OSBPL5: variants seen among roughly 807,000 people sequenced by gnomAD.
The protein encoded by OSBPL5 is oxysterol binding protein like 5.
Under a neutral mutation model 111.2 loss-of-function variants are expected in OSBPL5, and 71 were observed. That is an observed-to-expected ratio of 0.64 (90% CI 0.53 to 0.78). The LOEUF (loss-of-function observed/expected upper bound fraction) is 0.78, where lower values mean the gene tolerates loss of function less well. Ranked by LOEUF, OSBPL5 falls within the 30% of genes least tolerant of loss-of-function variation. OSBPL5 has a pLI of 0.00. For missense variants in OSBPL5, 1,210 were observed against 1,189.3 expected (o/e 1.02, Z -0.26); for synonymous variants, 549 against 513.9 (o/e 1.07, Z -0.93).
intron 2 of OSBPL5, 45 bp downstream of exon 2, chr11:3,128,968 G>A: frequency 6.9e-7 from 1 of 1,455,918 alleles, no homozygotes; most frequent in South Asian, 1.4e-5. Flanking sequence ...ACCCCACCGG[G>A]CCCAAGCTGA....
intron 17 of OSBPL5, 184 bp from the exon 18 acceptor site, chr11:3,093,236 AACACTGAGCTCCC>A: frequency 2.7e-6 from 2 of 750,688 alleles, no homozygotes; most frequent in Admixed American, 6.0e-5. Flanking sequence ...GGGTTTTTCC[AACACTGAGCTCCC>A]ATCTCCCGCC....
At chr11:3,093,390 C>G in intron 17 of OSBPL5, 137 bp downstream of exon 17, 1 of 1,341,222 alleles carries the variant, frequency 7.5e-7, no homozygotes, top group Non-Finnish European at 1.0e-6. Flanking sequence ...TGATCTGCCA[C>G]CAGGGGTGCA....
chr11:3,160,221 G>C (rs571414153), intron 1 of OSBPL5, among the ~76,000 whole-genome samples: 7 of 152,336 alleles, frequency 4.6e-5, no homozygotes, highest in Admixed American at 4.6e-4. Context: ...GCCAGCGTCG[G>C]GGCTCCTCTC....
At chr11:3,115,148 A>C (rs1034020673) in intron 7 of OSBPL5, among the ~76,000 whole-genome samples, 1 of 152,066 alleles carries the variant, frequency 6.6e-6, no homozygotes, top group African/African-American at 2.4e-5. Context: ...CTTAAAGAAA[A>C]TGTTTTCTTC....
Position 3,094,149 on chromosome 11 carries a change from C to T in OSBPL5, c.1719+88G>A. On this transcript the variant is annotated intron_variant, in intron 15 of 21. Transcript: ENST00000263650. ...TATGTGCACTGCCTTGGGGAACCTT[C>T]CTTGGGGCCTGGGGAGAGTGTGAGG... The T allele has an allele frequency of 1.4e-5, 18 of 1,318,530 alleles. No individual in the cohort carries two copies. The South Asian group carries it at 2.2e-4, about 16-fold the overall frequency. The allele number at this position is 1,318,530 out of a possible 1,614,324, so 81.7% of individuals were successfully genotyped here. A position where few individuals can be genotyped will look rare whatever the true frequency, so the allele number is the denominator to read the frequency against.
chr11:3,139,242 G>A (rs1015356936), intron 1 of OSBPL5, among the ~76,000 whole-genome samples: 1 of 152,202 alleles, frequency 6.6e-6, no homozygotes, highest in Non-Finnish European at 1.5e-5. Flanking sequence ...GGAGCAGGTG[G>A]CCACCGGCCA....
At chr11:3,129,285 G>A (rs1212339668) in intron 1 of OSBPL5, 116 bp from the exon 2 acceptor site, 1 of 1,010,598 alleles carries the variant, frequency 9.9e-7, no homozygotes, top group African/African-American at 1.7e-5. Context: ...TTCTGAGGCA[G>A]GGTGAGGAGG....
In OSBPL5 at chr11:3,100,148, A is replaced by C. The variant is rs1279060888; in HGVS notation, c.1621+10T>G. The C allele has an allele frequency of 1.2e-6, 2 of 1,613,310 alleles. No homozygotes were observed. Among genetic ancestry groups the C allele is most frequent in the Non-Finnish European group, 1.7e-6 (2 of 1,179,610 alleles). Reference sequence around the variant, plus strand: ...GCTCTGCCCTCGGAGTGTGTGGCTGAGCCTCTCACCTTTGCAGTGGGCGTA... The same window carrying C: ...GCTCTGCCCTCGGAGTGTGTGGCTGCGCCTCTCACCTTTGCAGTGGGCGTA... On this transcript the variant is annotated intron_variant, in intron 14 of 21. Coordinates refer to ENST00000263650, the MANE Select transcript of OSBPL5 (RefSeq NM_020896.4).
chr11:3,127,168 G>A (rs1858656474), intron 2 of OSBPL5, among the ~76,000 whole-genome samples: 2 of 152,234 alleles, frequency 1.3e-5, no homozygotes, highest in Non-Finnish European at 2.9e-5. Context: ...TGGACAGGAG[G>A]AAGGAGGGGA....
chr11:3,160,878 AG>A (rs1452860985), intron 1 of OSBPL5: 1 of 152,160 alleles, frequency 6.6e-6, no homozygotes, highest in Admixed American at 6.5e-5. Flanking sequence ...CAGCGTCTGG[AG>A]GCCCGTTCCC....
chr11:3,101,502 C>T (rs1590645597), intron 13 of OSBPL5, 101 bp downstream of exon 13: 10 of 1,105,988 alleles, frequency 9.0e-6, no homozygotes, highest in South Asian at 4.2e-5. Context: ...GAGGGACAGG[C>T]ACATGGCCCC....
intron 1 of OSBPL5, among the ~76,000 whole-genome samples, chr11:3,156,224 G>C (rs1846754509): frequency 6.6e-6 from 1 of 152,194 alleles, no homozygotes; most frequent in African/African-American, 2.4e-5. Flanking sequence ...AAGGAAACCG[G>C]AACGCTTGCT....
chr11:3,100,785 A>G (rs1295422214), intron 13 of OSBPL5, among the ~76,000 whole-genome samples: 1 of 152,122 alleles, frequency 6.6e-6, no homozygotes, highest in African/African-American at 2.4e-5. Flanking sequence ...TGAAAAAGGT[A>G]CAACGGATGG....
At position 3,092,566 on chromosome 11, in the gene OSBPL5, G is replaced by A. The variant is rs1857100903; in HGVS notation, c.2133-8C>T. On this transcript the variant is annotated splice_polypyrimidine_tract_variant and splice_region_variant and intron_variant, in intron 18 of 21. Coordinates refer to ENST00000263650, the MANE Select transcript of OSBPL5 (RefSeq NM_020896.4). The surrounding 1 kb of genome is among the most constrained non-coding windows in gnomAD (Gnocchi z 5.4). Reference sequence around the variant, plus strand: ...GGGTCCCAGGGGCTGTGGCTGGAGGGTCCAGAGGGCGTTCATCAGCACAGG... The same window carrying A: ...GGGTCCCAGGGGCTGTGGCTGGAGGATCCAGAGGGCGTTCATCAGCACAGG... 10 of 1,580,790 alleles carry A rather than the reference G, an allele frequency of 6.3e-6. No individual in the cohort carries two copies. In the East Asian group the frequency reaches 1.8e-4, roughly 29 times the overall value.
rs1356898848 is a variant in OSBPL5 at position 3,106,036 on chromosome 11, G to A, written c.1059+1227C>T. Reference sequence around the variant, plus strand: ...CGAGGCCCTTGCCTAACCCGCCGGTGGCTTCCCCAATACTCTCAGCCTGAG... The same window carrying A: ...CGAGGCCCTTGCCTAACCCGCCGGTAGCTTCCCCAATACTCTCAGCCTGAG... On this transcript the variant is annotated intron_variant, in intron 9 of 21. Coordinates refer to ENST00000263650, the MANE Select transcript of OSBPL5 (RefSeq NM_020896.4). This position sits in a 1 kb window ranked among gnomAD's most constrained non-coding sequence, Gnocchi z 8.4. 6.6e-6 allele frequency among the ~76,000 whole-genome samples: 1 copy of A among 152,022 alleles called. No individual in the cohort carries two copies. Among genetic ancestry groups the A allele is most frequent in the Non-Finnish European group, 1.5e-5 (1 of 67,986 alleles).
In OSBPL5 at chr11:3,088,142, T is replaced by C; in HGVS notation, c.*63A>G. ...CCTCTCTGCCTCCATGGAGCAGGCT[T>C]AAAGTGCTGGGTGCCTGGGAGGGAG... On this transcript the variant is annotated 3_prime_UTR_variant, in exon 22 of 22. Coordinates refer to ENST00000263650, the MANE Select transcript of OSBPL5 (RefSeq NM_020896.4). The C allele has an allele frequency of 3.5e-6, 5 of 1,436,554 alleles. No individual in the cohort carries two copies. The highest frequency in any genetic ancestry group is 1.5e-5 in the South Asian group (1 of 68,832). The allele number at this position is 1,436,554 out of a possible 1,614,324, so 89.0% of individuals were successfully genotyped here.
chr11:3,088,133 G>T lies in OSBPL5; in HGVS notation c.*72C>A. ...CTTGCCGGGCCTCTCTGCCTCCATGGAGCAGGCTTAAAGTGCTGGGTGCCT... is the reference window on the plus strand; with the variant it reads ...CTTGCCGGGCCTCTCTGCCTCCATGTAGCAGGCTTAAAGTGCTGGGTGCCT... On this transcript the variant is annotated 3_prime_UTR_variant, in exon 22 of 22. Coordinates refer to ENST00000263650, the MANE Select transcript of OSBPL5 (RefSeq NM_020896.4). 1 of 1,372,032 alleles carries T rather than the reference G, an allele frequency of 7.3e-7. No homozygotes were observed. The highest frequency in any genetic ancestry group is 1.6e-5 in the South Asian group (1 of 63,230). 85.0% of individuals were successfully genotyped at this position (1,372,032 alleles called of 1,614,324 possible). A position where few individuals can be genotyped will look rare whatever the true frequency, so the allele number is the denominator to read the frequency against.
chr11:3,099,969 G>A (rs1036649120), intron 14 of OSBPL5, among the ~76,000 whole-genome samples, 189 bp downstream of exon 14: 1 of 136,514 alleles, frequency 7.3e-6, no homozygotes, highest in Non-Finnish European at 1.5e-5. Flanking sequence ...TTGGAGCCAA[G>A]ATCACGCCAT....
intron 14 of OSBPL5, chr11:3,094,700 G>C (rs2134390081): frequency 4.2e-6 from 1 of 236,824 alleles, no homozygotes; most frequent in Middle Eastern, 1.5e-3. Context: ...CACCAGCCCT[G>C]TGAGACATGC....
Sources: allele counts gnomAD v4.1 joint callset (sites outside exome capture counted in the v4.1 genomes callset), GRCh38; gene constraint gnomAD v4.1.1; non-coding constraint Gnocchi (gnomAD v3.1); transcripts MANE v1.5; gene names NCBI Gene and HGNC (gene_info 2026-07-23, HGNC 2026-07-21).